ARAP1: variants seen among roughly 807,000 people sequenced by gnomAD.
ARAP1 encodes ArfGAP with RhoGAP domain, ankyrin repeat and PH domain 1.
In ARAP1, 76 loss-of-function variants were observed where a neutral mutation model predicts 172.2. That is an observed-to-expected ratio of 0.44 (90% confidence interval 0.37 to 0.53). The LOEUF is 0.53. Among genes scored for constraint, ARAP1 ranks in the 20% least tolerant of loss-of-function variants. ARAP1 has a pLI of 0.00. For synonymous variants in ARAP1, 804 were observed against 803.3 expected (o/e 1.00, Z -0.01); for missense variants, 1,686 against 1,977.5 (o/e 0.85, Z 2.80).
chr11:72,709,831 G>C (rs1565219853), intron 11 of ARAP1, 39 bp downstream of exon 11: 1 of 1,595,744 alleles, frequency 6.3e-7, no homozygotes, highest in Non-Finnish European at 8.6e-7. Flanking sequence ...CATTAGGAAG[G>C]AGTGAGGATG....
chr11:72,711,884 A>C (rs564438619), intron 7 of ARAP1, among the ~76,000 whole-genome samples: 114 of 152,056 alleles, frequency 7.5e-4, no homozygotes, highest in African/African-American at 2.6e-3. Flanking sequence ...ATTTGTAGAG[A>C]CGAGGTCTCG....
intron 1 of ARAP1, among the ~76,000 whole-genome samples, chr11:72,742,204 G>T (rs1021587040): frequency 1.3e-5 from 2 of 152,120 alleles, no homozygotes; most frequent in African/African-American, 4.8e-5. Context: ...CCCTGACTCA[G>T]TCTCCCTCTC....
At chr11:72,748,119 A>G (rs537185809) in intron 1 of ARAP1, among the ~76,000 whole-genome samples, 39 of 152,324 alleles carry the variant, frequency 2.6e-4, no homozygotes, top group Admixed American at 2.4e-3. Flanking sequence ...TCAGAAGACT[A>G]TTTTGAGGAT....
chr11:72,704,504 C>T, intron 13 of ARAP1, 170 bp from the exon 14 acceptor site: 1 of 685,044 alleles, frequency 1.5e-6, no homozygotes, highest in East Asian at 2.9e-5. Flanking sequence ...GCTGGGGATG[C>T]TCCTGCCACC....
At chr11:72,716,127 C>T (rs1015784981) in intron 3 of ARAP1, among the ~76,000 whole-genome samples, 3 of 144,854 alleles carry the variant, frequency 2.1e-5, no homozygotes, top group African/African-American at 5.2e-5. Flanking sequence ...GAGCCGAGAT[C>T]GCGCCACTGC....
rs1857694761 is a variant in ARAP1 at position 72,726,494 on chromosome 11, C to T, written c.509+126G>A. 2.4e-6 allele frequency: 3 copies of T among 1,272,210 alleles called. No homozygotes were observed. The highest frequency in any genetic ancestry group is 3.2e-6 in the Non-Finnish European group (3 of 950,492). 78.8% of individuals were successfully genotyped at this position (1,272,210 alleles called of 1,614,324 possible). A position where few individuals can be genotyped will look rare whatever the true frequency, so the allele number is the denominator to read the frequency against. ...CAGCAATCCTGTCCTCCGAGCTTTG[C>T]ACACGCTGTTCCCCCTGCACTTCCG... On this transcript the variant is annotated intron_variant, in intron 3 of 34. Coordinates refer to ENST00000393609, the MANE Select transcript of ARAP1 (RefSeq NM_001040118.3). The surrounding 1 kb of genome is among the most constrained non-coding windows in gnomAD (Gnocchi z 6.5).
chr11:72,716,987 C>T (rs573921503), intron 3 of ARAP1, among the ~76,000 whole-genome samples: 63 of 152,204 alleles, frequency 4.1e-4, no homozygotes, highest in African/African-American at 7.0e-4. Flanking sequence ...CCCTACATGA[C>T]CTGAGTCCCT....
chr11:72,724,561 C>G (rs1408287474), intron 3 of ARAP1, among the ~76,000 whole-genome samples: 1 of 152,084 alleles, frequency 6.6e-6, no homozygotes, highest in East Asian at 1.9e-4. Context: ...CCACCCTGAT[C>G]ACTACAGCAC....
chr11:72,746,377 G>A (rs1383371951), intron 1 of ARAP1, among the ~76,000 whole-genome samples: 1 of 152,186 alleles, frequency 6.6e-6, no homozygotes, highest in African/African-American at 2.4e-5. Context: ...CTGTGCCTCT[G>A]ACCCACCAGC....
At chr11:72,730,206 GA>G (rs1456130301) in intron 2 of ARAP1, among the ~76,000 whole-genome samples, 1 of 152,098 alleles carries the variant, frequency 6.6e-6, no homozygotes, top group Non-Finnish European at 1.5e-5. Flanking sequence ...GAGTATGAAT[GA>G]AAAAATTTAC....
intron 30 of ARAP1, 61 bp downstream of exon 30, chr11:72,692,692 C>CCCAGCTCAA (rs1855989817): frequency 6.2e-7 from 1 of 1,606,042 alleles, no homozygotes; most frequent in Admixed American, 1.7e-5. Context: ...CATGCTCCCA[C>CCCAGCTCAA]CCAGCTCATT....
rs2135590467 is a variant in ARAP1 at position 72,741,691 on chromosome 11, T to TACTC, written c.-127-9095_-127-9094insGAGT. On this transcript the variant is annotated intron_variant, in intron 1 of 34. Coordinates refer to ENST00000393609, the MANE Select transcript of ARAP1 (RefSeq NM_001040118.3). The surrounding 1 kb of genome is among the most constrained non-coding windows in gnomAD (Gnocchi z 4.5). ...AGGGCTGACCGCAGCAGGGTGGGAG[T>TACTC]GCACAGGGCTGACCACAGAATCACA... is the stretch of plus-strand genomic sequence containing the variant. 6.6e-6 allele frequency among the ~76,000 whole-genome samples: 1 copy of TACTC among 151,302 alleles called. No homozygotes were observed. The highest frequency in any genetic ancestry group is 2.4e-5 in the African/African-American group (1 of 41,170).
intron 19 of ARAP1, 98 bp from the exon 20 acceptor site, chr11:72,697,747 C>T (rs1856280379): frequency 1.3e-6 from 2 of 1,560,214 alleles, no homozygotes; most frequent in Admixed American, 3.5e-5. Context: ...GAGACCCGCC[C>T]ACCAATGTAT....
chr11:72,726,872 C>T lies in ARAP1; in HGVS notation c.257G>A (p.Arg86His), dbSNP rs1239128525. The change falls in exon 3 of 35, where the codon CGC (arginine) becomes CAC (histidine). Residue 86 changes from arginine (R) to histidine (H), a missense_variant. Coordinates refer to ENST00000393609, the MANE Select transcript of ARAP1 (RefSeq NM_001040118.3). The surrounding 1 kb of genome is among the most constrained non-coding windows in gnomAD (Gnocchi z 6.5). ...RPTPRPVPMK[R>H]HIFRSPPVPA... The stretch of plus-strand genomic sequence containing the variant: ...CACAGGTGGTGAGCGGAAGATGTGG[C>T]GCTTCATGGGCACAGGCCGTGGGGT... 3 of 1,567,944 alleles carry T rather than the reference C, an allele frequency of 1.9e-6. No individual in the cohort carries two copies. Among genetic ancestry groups the T allele is most frequent in the Non-Finnish European group, 2.6e-6 (3 of 1,156,650 alleles).
intron 23 of ARAP1, among the ~76,000 whole-genome samples, chr11:72,696,221 T>C (rs757377705): frequency 5.9e-5 from 9 of 152,148 alleles, no homozygotes; most frequent in Non-Finnish European, 1.2e-4. Flanking sequence ...CCACCTCCCA[T>C]GCACGGTTCA....
Position 72,695,432 on chromosome 11 carries a change from T to G in ARAP1, c.3531A>C (p.Thr1177=). The G allele has an allele frequency of 6.2e-7, 1 of 1,614,236 alleles. No individual in the cohort carries two copies. The highest frequency in any genetic ancestry group is 2.2e-5 in the East Asian group (1 of 44,882). ...CTGCCTTCTTCTCTTCCAGATACAC[T>G]GTGCAGATGAAGTCACCGGCATGCT... ...GTQHAGDFIC[T]VYLEEKKAET... is the part of the protein sequence containing the mutation. Residue 1177 remains threonine (T), a synonymous_variant, in exon 26 of 35, where the codon ACA becomes ACC. Coordinates refer to ENST00000393609, the MANE Select transcript of ARAP1 (RefSeq NM_001040118.3). This position sits in a 1 kb window ranked among gnomAD's most constrained non-coding sequence, Gnocchi z 4.4.
At chr11:72,727,241 G>T in intron 2 of ARAP1, 69 bp from the exon 3 acceptor site, 1 of 1,307,420 alleles carries the variant, frequency 7.6e-7, no homozygotes, top group Non-Finnish European at 1.0e-6. Flanking sequence ...CCAGCAGCCT[G>T]CATGGCTCTC....
chr11:72,696,844 A>G, intron 22 of ARAP1, 139 bp downstream of exon 22: 1 of 1,032,280 alleles, frequency 9.7e-7, no homozygotes, highest in Admixed American at 2.6e-5. Flanking sequence ...TGGAGCGGCG[A>G]TGGGAATGAG....
chr11:72,686,317 C>T, intron 33 of ARAP1, 126 bp from the exon 34 acceptor site: 1 of 1,274,410 alleles, frequency 7.8e-7, no homozygotes, highest in African/African-American at 1.5e-5. Context: ...AGCTTTGATC[C>T]CCGCCGATAT....
Sources: allele counts gnomAD v4.1 joint callset (sites outside exome capture counted in the v4.1 genomes callset), GRCh38; gene constraint gnomAD v4.1.1; non-coding constraint Gnocchi (gnomAD v3.1); transcripts MANE v1.5; gene names NCBI Gene and HGNC (gene_info 2026-07-23, HGNC 2026-07-21).